The following MSRA variants were observed in gnomAD, a reference collection of about 807,000 sequenced individuals.
MSRA encodes mitochondrial peptide methionine sulfoxide reductase.
A neutral mutation model predicts 31.3 loss-of-function variants in MSRA; 54 were observed. That is an observed-to-expected ratio of 1.73 (90% CI 1.39 to 2.17). MSRA has a LOEUF of 2.17. MSRA is among the 30% of genes most tolerant of loss of function. The pLI is 0.00. For synonymous variants in MSRA, 169 were observed against 116.5 expected (o/e 1.45, Z -2.90); for missense variants, 507 against 300.9 (o/e 1.69, Z -5.07).
chr8:10,366,317 A>G (rs1304350753), intron 5 of MSRA, among the ~76,000 whole-genome samples: 2 of 152,242 alleles, frequency 1.3e-5, no homozygotes, highest in African/African-American at 2.4e-5. Flanking sequence ...ACACCTGCCT[A>G]CAGTTTGAAA....
intron 5 of MSRA, among the ~76,000 whole-genome samples, chr8:10,354,926 A>G (rs1004863241): frequency 6.6e-6 from 1 of 152,178 alleles, no homozygotes; most frequent in Non-Finnish European, 1.5e-5. Flanking sequence ...CGTGATGAGC[A>G]TACTTACAGC....
At chr8:10,230,332 G>A (rs535844165) in intron 2 of MSRA, among the ~76,000 whole-genome samples, 1 of 152,320 alleles carries the variant, frequency 6.6e-6, no homozygotes, top group South Asian at 2.1e-4. Flanking sequence ...ACCGGAAATG[G>A]CACTGGGTGG....
At chr8:10,291,864 T>C (rs965501370) in intron 3 of MSRA, among the ~76,000 whole-genome samples, 1 of 152,168 alleles carries the variant, frequency 6.6e-6, no homozygotes, top group East Asian at 1.9e-4. Flanking sequence ...AGTCAAGTCT[T>C]TTTATTTTAA....
intron 5 of MSRA, among the ~76,000 whole-genome samples, chr8:10,404,083 A>G (rs773073603): frequency 4.6e-5 from 7 of 152,188 alleles, no homozygotes; most frequent in Non-Finnish European, 1.0e-4. Flanking sequence ...TTTTATGTTG[A>G]TGAAGTAGAC....
chr8:10,251,107 C>T (rs951670001), intron 3 of MSRA, among the ~76,000 whole-genome samples: 14 of 152,132 alleles, frequency 9.2e-5, no homozygotes, highest in African/African-American at 3.4e-4. Flanking sequence ...GGTCATGTCA[C>T]CCCCTTTTCC....
At chr8:10,183,282 G>A (rs547907752) in intron 1 of MSRA, among the ~76,000 whole-genome samples, 1 of 152,172 alleles carries the variant, frequency 6.6e-6, no homozygotes, top group Non-Finnish European at 1.5e-5. Context: ...GTTAGGCTTA[G>A]GACCAAGGCT....
At chr8:10,257,109 G>T (rs912441739) in intron 3 of MSRA, among the ~76,000 whole-genome samples, 4 of 152,154 alleles carry the variant, frequency 2.6e-5, no homozygotes, top group African/African-American at 4.8e-5. Flanking sequence ...GCAAGGCAGG[G>T]TTAGTGCTCG....
At chr8:10,095,913 A>G in intron 1 of MSRA, 1 of 1,333,830 alleles carries the variant, frequency 7.5e-7, no homozygotes, top group Non-Finnish European at 9.7e-7. Flanking sequence ...AGACAGGATT[A>G]ATATAGAAGA....
intron 1 of MSRA, among the ~76,000 whole-genome samples, chr8:10,160,169 T>C (rs558700881): frequency 2.2e-4 from 34 of 152,278 alleles, no homozygotes; most frequent in Non-Finnish European, 4.0e-4. Context: ...GGGTTAAAAA[T>C]GATAATCATA....
chr8:10,374,931 T>G (rs1340271824), intron 5 of MSRA, among the ~76,000 whole-genome samples: 1 of 152,124 alleles, frequency 6.6e-6, no homozygotes. Context: ...TTAAAAGAGC[T>G]TGGACCCTCC....
rs77491984 is a variant in MSRA at position 10,156,300 on chromosome 8, C to A, written c.143-51533C>A. Among the ~76,000 whole-genome samples, 408 of 152,246 alleles carry A rather than the reference C, an allele frequency of 2.7e-3. 1 individual carries two copies. Among genetic ancestry groups the A allele is most frequent in the African/African-American group, 9.3e-3 (388 of 41,544 alleles). On this transcript the variant is annotated intron_variant, in intron 1 of 5. Coordinates refer to ENST00000317173, the MANE Select transcript of MSRA (RefSeq NM_012331.5). The stretch of plus-strand genomic sequence containing the variant: ...TATGTTGGATGATGGTATTGAATCA[C>A]CCTTTCCTTTTTTAAAGGTGTGACT...
chr8:10,268,385 C>T lies in MSRA; in HGVS notation c.331+23162C>T, dbSNP rs886762052. 6.9e-5 allele frequency among the ~76,000 whole-genome samples: 7 copies of T among 101,508 alleles called. No individual in the cohort carries two copies. The South Asian group carries it at 1.8e-3, about 26-fold the overall frequency. 66.6% of individuals were successfully genotyped at this position (101,508 alleles called of 152,430 possible). On this transcript the variant is annotated intron_variant, in intron 3 of 5. Coordinates refer to ENST00000317173, the MANE Select transcript of MSRA (RefSeq NM_012331.5). The stretch of plus-strand genomic sequence containing the variant: ...AGAGGAGATATGGGGAGACTACACT[C>T]TTTTATTCCAGCCATTACTCATCTG...
At chr8:10,285,442 C>G (rs749550718) in intron 3 of MSRA, among the ~76,000 whole-genome samples, 17 of 152,088 alleles carry the variant, frequency 1.1e-4, no homozygotes, top group Non-Finnish European at 1.8e-4. Flanking sequence ...ATGATCAAAT[C>G]AGAGTAATTA....
At chr8:10,074,565 C>G (rs1051058044) in intron 1 of MSRA, among the ~76,000 whole-genome samples, 5 of 152,122 alleles carry the variant, frequency 3.3e-5, no homozygotes, top group Non-Finnish European at 5.9e-5. Context: ...ATATTATGTC[C>G]TGCATCTCTA....
chr8:10,253,816 CT>C (rs1798038150), intron 3 of MSRA, among the ~76,000 whole-genome samples: 2 of 151,968 alleles, frequency 1.3e-5, no homozygotes, highest in Admixed American at 1.3e-4. Flanking sequence ...TTCATAATGA[CT>C]GACAATTTTT....
At chr8:10,230,531 A>G (rs1811374074) in intron 2 of MSRA, among the ~76,000 whole-genome samples, 1 of 152,232 alleles carries the variant, frequency 6.6e-6, no homozygotes, top group Non-Finnish European at 1.5e-5. Flanking sequence ...TATGGAAAAT[A>G]TATGAAAATA....
intron 1 of MSRA, among the ~76,000 whole-genome samples, chr8:10,122,406 A>G (rs894046657): frequency 6.6e-6 from 1 of 152,210 alleles, no homozygotes; most frequent in African/African-American, 2.4e-5. Flanking sequence ...AAAAGAAAGG[A>G]TTTCTGGATT....
intron 3 of MSRA, among the ~76,000 whole-genome samples, chr8:10,273,386 C>T (rs1288233704): frequency 6.6e-6 from 1 of 152,130 alleles, no homozygotes; most frequent in African/African-American, 2.4e-5. Flanking sequence ...CTTCTACCCC[C>T]TAGTAGTTGT....
intron 1 of MSRA, among the ~76,000 whole-genome samples, chr8:10,142,169 GCTGGTC>G (rs1340135580): frequency 1.3e-5 from 2 of 152,034 alleles, no homozygotes; most frequent in African/African-American, 4.8e-5. Flanking sequence ...TGTTGGTCAG[GCTGGTC>G]TGCAACTCCC....
Sources: allele counts gnomAD v4.1 joint callset (sites outside exome capture counted in the v4.1 genomes callset), GRCh38; gene constraint gnomAD v4.1.1; transcripts MANE v1.5; gene names NCBI Gene and HGNC (gene_info 2026-07-23, HGNC 2026-07-21).